Variants in C16orf96 observed in about 807,000 individuals in gnomAD.
C16orf96 encodes the protein chromosome 16 open reading frame 96.
Under a neutral mutation model 103.6 loss-of-function variants are expected in C16orf96, and 108 were observed. The observed-to-expected ratio is 1.04, with a 90% confidence interval of 0.89 to 1.22. The LOEUF is 1.22. Among genes scored for constraint, C16orf96 ranks in the 50% most tolerant of loss-of-function variants. C16orf96 has a pLI of 0.00. For synonymous variants in C16orf96, 566 were observed against 593.5 expected (o/e 0.95, Z 0.67); for missense variants, 1,586 against 1,464.2 (o/e 1.08, Z -1.36).
At chr16:4,576,767 T>A in intron 5 of C16orf96, 132 bp downstream of exon 5, 1 of 943,050 alleles carries the variant, frequency 1.1e-6, no homozygotes, top group Non-Finnish European at 1.6e-6. Flanking sequence ...TTCTTTCCTT[T>A]GGCTTAAGCA....
rs1370304847 is a variant in C16orf96 at position 4,594,430 on chromosome 16, G to A, written c.2947G>A (p.Ala983Thr). The A allele has an allele frequency of 7.1e-6, 11 of 1,551,268 alleles. No individual in the cohort carries two copies. The highest frequency in any genetic ancestry group is 3.9e-5 in the Admixed American group (2 of 50,974). ...QQDWGDGPQN[A>T]TSLKCKSCNL... ...GGACTGGGGTGATGGCCCCCAAAAC[G>A]CCACCAGCCTCAAGTGCAAGTCCTG... Residue 983 changes from alanine to threonine, a missense_variant, in exon 13 of 16, where the codon GCC becomes ACC. Physicochemically the swap from Ala to Thr is moderately conservative, Grantham distance 58. Transcript: ENST00000444310.
At chr16:4,550,234 G>A in the C16orf96 span, among the ~76,000 whole-genome samples, 23 of 151,888 alleles carry the variant, frequency 1.5e-4, no homozygotes, top group African/African-American at 2.4e-5. Flanking sequence ...ACAGGCACCC[G>A]CCACCATGCC....
chr16:4,573,324 A>T (rs1456081766), intron 2 of C16orf96, among the ~76,000 whole-genome samples: 1 of 151,616 alleles, frequency 6.6e-6, no homozygotes, highest in African/African-American at 2.4e-5. Context: ...CCGTAACCCC[A>T]GCTACTCAGG....
upstream of C16orf96, among the ~76,000 whole-genome samples, chr16:4,554,920 C>T (rs184496195): frequency 2.0e-5 from 3 of 151,910 alleles, no homozygotes; most frequent in East Asian, 4.0e-4. Context: ...TGAGCCACCG[C>T]GCCCAGCCGA....
chr16:4,585,226 G>T (rs1210297564), intron 7 of C16orf96, among the ~76,000 whole-genome samples: 1 of 150,078 alleles, frequency 6.7e-6, no homozygotes. Flanking sequence ...GCTGATGGGG[G>T]AGGATCCTTT....
intron 6 of C16orf96, 63 bp downstream of exon 6, chr16:4,579,088 T>C: frequency 7.2e-7 from 1 of 1,392,402 alleles, no homozygotes; most frequent in South Asian, 1.2e-5. Flanking sequence ...GGCTGAAGAC[T>C]CCTTGACTCT....
At chr16:4,591,860 G>GAATCTTTCCTCCCA in intron 10 of C16orf96, 76 bp downstream of exon 10, 1 of 1,178,808 alleles carries the variant, frequency 8.5e-7, no homozygotes, top group Non-Finnish European at 1.2e-6. Context: ...GGAAGCTCTG[G>GAATCTTTCCTCCCA]GAGGAAAGAT....
intron 1 of C16orf96, chr16:4,559,876 T>G (rs1483272671): frequency 6.6e-6 from 1 of 152,200 alleles, no homozygotes; most frequent in Non-Finnish European, 1.5e-5. Flanking sequence ...GAAAGTAGAT[T>G]AGTGGTTTCC....
chr16:4,575,536 T>C lies in C16orf96; in HGVS notation c.1056T>C (p.Pro352=). The change falls in exon 5 of 16, where the codon CCT becomes CCC. Residue 352 remains proline (P), a synonymous_variant. Transcript: ENST00000444310. The stretch of plus-strand genomic sequence containing the variant: ...TGGAGCCTGTGCCTGCCCTGGGGCC[T>C]GTCCCAGGGCCCAGTGTGACACCTG... The part of the protein sequence containing the change: ...LELEPVPALG[P]VPGPSVTPGS... The C allele has an allele frequency of 6.5e-7, 1 of 1,542,482 alleles. No individual in the cohort carries two copies. Among genetic ancestry groups the C allele is most frequent in the Non-Finnish European group, 8.7e-7 (1 of 1,144,390 alleles).
the C16orf96 span, among the ~76,000 whole-genome samples, chr16:4,542,275 G>A: frequency 6.6e-6 from 1 of 152,150 alleles, no homozygotes; most frequent in Non-Finnish European, 1.5e-5. Context: ...TGAGGCAGGA[G>A]GATCACTTGA....
chr16:4,556,573 C>G lies in C16orf96; in HGVS notation c.84C>G (p.Leu28=). 6.4e-7 allele frequency: 1 copy of G among 1,551,694 alleles called. No individual in the cohort carries two copies. The highest frequency in any genetic ancestry group is 8.7e-7 in the Non-Finnish European group (1 of 1,147,004). Residue 28 remains leucine (L), a synonymous_variant, in exon 1 of 16, where the codon CTC becomes CTG. Transcript: ENST00000444310. ...TGCTGAACTTCAAGGCCCTGCACCTCCTGCTGCACGGCATCTTGGAGCACA... is the reference window on the plus strand; with the variant it reads ...TGCTGAACTTCAAGGCCCTGCACCTGCTGCTGCACGGCATCTTGGAGCACA... The part of the protein sequence containing the change: ...CGVLNFKALH[L]LLHGILEHIH...
In C16orf96 at chr16:4,575,277, A is replaced by G; in HGVS notation, c.797A>G (p.Gln266Arg). The change falls in exon 5 of 16, where the codon CAG (glutamine) becomes CGG (arginine). Residue 266 changes from glutamine (Q) to arginine (R), a missense_variant. Physicochemically the swap from Gln to Arg is conservative, Grantham distance 43. Coordinates refer to ENST00000444310, the MANE Select transcript of C16orf96 (RefSeq NM_001145011.2). ...TACCTTGAAGCTACTCGTGCCATCC[A>G]GGTCTCCGAGCCCGTCCAAAACCCC... ...TKYLEATRAI[Q>R]VSEPVQNPQL... 1.3e-6 allele frequency: 2 copies of G among 1,550,616 alleles called. No individual in the cohort carries two copies.
At chr16:4,551,537 C>T (rs1035430487), upstream of C16orf96, among the ~76,000 whole-genome samples, 4 of 152,112 alleles carry the variant, frequency 2.6e-5, no homozygotes, top group African/African-American at 4.8e-5. Context: ...CTGCACGCTC[C>T]GCCTCCCAGG....
chr16:4,583,162 C>T (rs944383880), intron 7 of C16orf96, among the ~76,000 whole-genome samples: 10 of 151,934 alleles, frequency 6.6e-5, no homozygotes, highest in South Asian at 2.1e-4. Context: ...CGCTTGAACC[C>T]GGGAGGCAGA....
At chr16:4,579,510 C>T (rs1426656496) in intron 6 of C16orf96, among the ~76,000 whole-genome samples, 2 of 134,830 alleles carry the variant, frequency 1.5e-5, no homozygotes, top group East Asian at 2.3e-4. Context: ...GCCAAGATCA[C>T]GCCGCTGCAC....
At position 4,574,691 on chromosome 16, in the gene C16orf96, A is replaced by T. The variant is rs1488092870; in HGVS notation, c.526-18A>T. On this transcript the variant is annotated intron_variant, in intron 2 of 15. Coordinates refer to ENST00000444310, the MANE Select transcript of C16orf96 (RefSeq NM_001145011.2). ...CAGAACCTGGACCCCCAGTCCACAG[A>T]CTCAGTTCCTTTGACAGGTACACCC... 6.5e-7 allele frequency: 1 copy of T among 1,548,740 alleles called. No individual in the cohort carries two copies. Among genetic ancestry groups the T allele is most frequent in the Non-Finnish European group, 8.7e-7 (1 of 1,144,464 alleles).
In C16orf96 at chr16:4,582,909, G is replaced by A. The variant is rs138219006; in HGVS notation, c.2352+2784G>A. 8.0e-4 allele frequency among the ~76,000 whole-genome samples: 122 copies of A among 152,260 alleles called. 1 individual carries two copies. Among genetic ancestry groups the A allele is most frequent in the Non-Finnish European group, 1.4e-3 (92 of 68,020 alleles). On this transcript the variant is annotated intron_variant, in intron 7 of 15. Coordinates refer to ENST00000444310, the MANE Select transcript of C16orf96 (RefSeq NM_001145011.2). ...AGAGCACATCCCTTGTCCCAGGACCGTTGTCCCAGCTTCCTGGCTCTTGTG... is the reference window on the plus strand; with the variant it reads ...AGAGCACATCCCTTGTCCCAGGACCATTGTCCCAGCTTCCTGGCTCTTGTG...
At chr16:4,587,187 C>A in intron 8 of C16orf96, 74 bp downstream of exon 8, 1 of 1,352,696 alleles carries the variant, frequency 7.4e-7, no homozygotes. Flanking sequence ...GCAAAGCCCA[C>A]CAAAGAGTCT....
At chr16:4,571,781 T>C (rs1019172398) in intron 2 of C16orf96, 116 bp downstream of exon 2, 2 of 845,148 alleles carry the variant, frequency 2.4e-6, no homozygotes, top group Non-Finnish European at 1.8e-6. Flanking sequence ...GCTGTGAGGG[T>C]GTGGTCATGT....
Sources: gnomAD v4.1 joint callset for allele counts (sites outside exome capture counted in the v4.1 genomes callset) on GRCh38, gnomAD v4.1.1 for gene constraint, MANE v1.5 for transcripts, NCBI Gene and HGNC (gene_info 2026-07-23, HGNC 2026-07-21) for gene names.